The following LRRC4C variants were observed in gnomAD, a reference collection of about 807,000 sequenced individuals.
LRRC4C encodes the protein leucine rich repeat containing 4C.
Under a neutral mutation model 33.6 loss-of-function variants are expected in LRRC4C, and 5 were observed. The observed-to-expected ratio is 0.15, with a 90% CI of 0.08 to 0.31. LRRC4C has a LOEUF of 0.31. LRRC4C is among the 10% of genes least tolerant of loss of function. The probability of loss-of-function intolerance (pLI) is 1.00; values close to 1 mark genes in which losing one functional copy is unlikely to be tolerated. For synonymous variants in LRRC4C, 329 were observed against 302.0 expected, an observed-to-expected ratio of 1.09 and a Z score of -0.93; for missense variants, 560 against 796.7, an observed-to-expected ratio of 0.70 and a Z score of 3.58.
At chr11:40,245,650 T>C (rs1007727999) in intron 4 of LRRC4C, among the ~76,000 whole-genome samples, 24 of 152,180 alleles carry the variant, frequency 1.6e-4, no homozygotes, top group Admixed American at 8.5e-4. Flanking sequence ...CACTCAATGA[T>C]AAAATTGATT....
At chr11:41,065,394 C>T (rs1198800785) in intron 1 of LRRC4C, among the ~76,000 whole-genome samples, 1 of 152,138 alleles carries the variant, frequency 6.6e-6, no homozygotes, top group Non-Finnish European at 1.5e-5. Context: ...TCCAGCAGCT[C>T]CAGTCAGGGG....
intron 2 of LRRC4C, among the ~76,000 whole-genome samples, chr11:40,804,595 G>A (rs907875952): frequency 2.0e-5 from 3 of 152,180 alleles, no homozygotes; most frequent in South Asian, 2.1e-4. Context: ...TGTGTATTAC[G>A]TTCCCCAAGC....
chr11:40,699,015 C>T (rs1945725621), intron 2 of LRRC4C, among the ~76,000 whole-genome samples: 1 of 152,096 alleles, frequency 6.6e-6, no homozygotes, highest in African/African-American at 2.4e-5. Context: ...ACACAAAAGG[C>T]AGGTTTTCAT....
intron 3 of LRRC4C, among the ~76,000 whole-genome samples, chr11:40,360,842 A>C (rs1217331738): frequency 6.6e-6 from 1 of 152,204 alleles, no homozygotes; most frequent in African/African-American, 2.4e-5. Flanking sequence ...TCAATGTAAA[A>C]ATTCTCAACA....
intron 3 of LRRC4C, among the ~76,000 whole-genome samples, chr11:40,386,948 CAT>C (rs1949135378): frequency 2.0e-5 from 3 of 152,156 alleles, no homozygotes; most frequent in Non-Finnish European, 4.4e-5. Context: ...ATTATTATAT[CAT>C]ATATATCAGT....
intron 4 of LRRC4C, among the ~76,000 whole-genome samples, chr11:40,301,167 T>G (rs1944756273): frequency 6.6e-6 from 1 of 152,032 alleles, no homozygotes; most frequent in African/African-American, 2.4e-5. Context: ...ATTTGAGGAG[T>G]GACTTAAAGT....
chr11:41,041,652 TG>T (rs1857447420), intron 1 of LRRC4C, among the ~76,000 whole-genome samples: 1 of 152,108 alleles, frequency 6.6e-6, no homozygotes, highest in Non-Finnish European at 1.5e-5. Context: ...TACACAGAAA[TG>T]TGCACACACT....
chr11:40,643,807 T>C (rs1308527482), intron 3 of LRRC4C, among the ~76,000 whole-genome samples: 4 of 152,102 alleles, frequency 2.6e-5, no homozygotes, highest in Non-Finnish European at 5.9e-5. Flanking sequence ...TGAAAAAACA[T>C]GAGCTTCTAC....
At chr11:41,430,231 C>T (rs1565666693) in intron 1 of LRRC4C, among the ~76,000 whole-genome samples, 1 of 152,090 alleles carries the variant, frequency 6.6e-6, no homozygotes, top group East Asian at 1.9e-4. Flanking sequence ...GCACTTAATA[C>T]ATGCTAACTA....
At chr11:40,205,052 T>G (rs1352191243) in intron 5 of LRRC4C, among the ~76,000 whole-genome samples, 1 of 152,202 alleles carries the variant, frequency 6.6e-6, no homozygotes, top group Non-Finnish European at 1.5e-5. Flanking sequence ...CCTAATATTT[T>G]ACACATCCTT....
intron 2 of LRRC4C, among the ~76,000 whole-genome samples, chr11:40,717,839 A>G (rs1038109376): frequency 6.6e-6 from 1 of 152,220 alleles, no homozygotes; most frequent in Non-Finnish European, 1.5e-5. Flanking sequence ...CCTGGCTTCC[A>G]AGTTACATAA....
chr11:40,623,284 C>G (rs1054129184), intron 3 of LRRC4C, among the ~76,000 whole-genome samples: 11 of 151,810 alleles, frequency 7.2e-5, no homozygotes, highest in African/African-American at 2.7e-4. Context: ...AAAAAAATTA[C>G]TGAAATTTCA....
intron 1 of LRRC4C, among the ~76,000 whole-genome samples, chr11:41,308,464 GT>G (rs1950562130): frequency 6.6e-6 from 1 of 152,102 alleles, no homozygotes; most frequent in Admixed American, 6.5e-5. Flanking sequence ...CCGCCAAGGT[GT>G]TTTTGTCATA....
intron 3 of LRRC4C, among the ~76,000 whole-genome samples, chr11:40,517,734 G>T (rs1438850661): frequency 8.5e-6 from 1 of 118,314 alleles, no homozygotes; most frequent in Non-Finnish European, 1.9e-5. Context: ...TTTCTTCACA[G>T]AATTGGGGGG....
In LRRC4C at chr11:40,116,062, G is replaced by A; in HGVS notation, c.231C>T (p.Asn77=). 1.9e-6 allele frequency: 3 copies of A among 1,614,128 alleles called. No homozygotes were observed. The part of the protein sequence containing the change: ...LREVPDGIST[N]TRLLNLHENQ... ...TCTCATGGAGGTTCAGCAGCCGTGT[G>A]TTGGTGGAGATGCCATCCGGAACCT... The change falls in exon 7 of 7, where the codon AAC becomes AAT. Residue 77 remains asparagine, a synonymous_variant. Transcript: ENST00000528697.
At chr11:41,443,842 C>T (rs544830162) in intron 1 of LRRC4C, among the ~76,000 whole-genome samples, 48 of 146,988 alleles carry the variant, frequency 3.3e-4, no homozygotes, top group African/African-American at 1.1e-3. Flanking sequence ...AGGCTGGTCT[C>T]GAATTCCTGA....
intron 1 of LRRC4C, among the ~76,000 whole-genome samples, chr11:41,393,281 T>C (rs935134426): frequency 1.3e-5 from 2 of 151,884 alleles, no homozygotes; most frequent in African/African-American, 2.4e-5. Context: ...TACATCTCCA[T>C]AGATGCTGGG....
At chr11:40,960,414 A>C (rs1473494951) in intron 1 of LRRC4C, among the ~76,000 whole-genome samples, 2 of 151,680 alleles carry the variant, frequency 1.3e-5, no homozygotes, top group Admixed American at 1.3e-4. Context: ...TTTCCAGCTA[A>C]AGTGACATTG....
intron 1 of LRRC4C, among the ~76,000 whole-genome samples, chr11:41,319,955 A>G (rs1950908627): frequency 1.3e-5 from 2 of 152,216 alleles, no homozygotes; most frequent in African/African-American, 4.8e-5. Flanking sequence ...AATAAAAGTA[A>G]TGGAGTATAT....
Sources: allele counts gnomAD v4.1 joint callset (sites outside exome capture counted in the v4.1 genomes callset), GRCh38; gene constraint gnomAD v4.1.1; transcripts MANE v1.5; gene names NCBI Gene and HGNC (gene_info 2026-07-23, HGNC 2026-07-21).